Variants in SORCS3 observed in about 807,000 individuals in gnomAD.
SORCS3 encodes sortilin related VPS10 domain containing receptor 3, also known as VPS10 domain-containing receptor SorCS3.
In SORCS3, 57 loss-of-function variants were observed where a neutral mutation model predicts 146.3. The observed-to-expected ratio is 0.39, with a 90% confidence interval of 0.31 to 0.49. SORCS3 has a LOEUF of 0.49. SORCS3 is among the 20% of genes least tolerant of loss of function. The probability of loss-of-function intolerance (pLI) is 0.92; values close to 1 mark genes in which losing one functional copy is unlikely to be tolerated. For synonymous variants in SORCS3, 653 were observed against 618.5 expected (o/e 1.06, Z -0.83); for missense variants, 1,341 against 1,575.5 (o/e 0.85, Z 2.52).
At chr10:104,929,423 T>C (rs375001792) in intron 3 of SORCS3, among the ~76,000 whole-genome samples, 1 of 152,160 alleles carries the variant, frequency 6.6e-6, no homozygotes, top group South Asian at 2.1e-4. Flanking sequence ...TCAGCAAATA[T>C]ATAGAAAAAG....
chr10:104,713,914 T>G (rs1330417381), intron 1 of SORCS3, among the ~76,000 whole-genome samples: 1 of 152,208 alleles, frequency 6.6e-6, no homozygotes, highest in African/African-American at 2.4e-5. Flanking sequence ...AGGTTTATTA[T>G]TGACTCAATT....
At chr10:104,782,964 T>C (rs1329119376) in intron 1 of SORCS3, among the ~76,000 whole-genome samples, 2 of 152,238 alleles carry the variant, frequency 1.3e-5, no homozygotes, top group Admixed American at 6.5e-5. Context: ...CAATGATTTT[T>C]GTAGCTAAAC....
At chr10:105,052,096 C>T (rs1427710245) in intron 5 of SORCS3, among the ~76,000 whole-genome samples, 4 of 152,058 alleles carry the variant, frequency 2.6e-5, no homozygotes, top group Non-Finnish European at 5.9e-5. Flanking sequence ...CAAGACATGC[C>T]GGACCCTTGA....
chr10:104,717,821 CTGAG>C (rs2016497396), intron 1 of SORCS3, among the ~76,000 whole-genome samples: 1 of 152,072 alleles, frequency 6.6e-6, no homozygotes, highest in East Asian at 1.9e-4. Context: ...ATACCACAGA[CTGAG>C]TAATTTATAA....
At chr10:104,997,781 A>C (rs1019327012) in intron 4 of SORCS3, among the ~76,000 whole-genome samples, 1 of 152,170 alleles carries the variant, frequency 6.6e-6, no homozygotes, top group African/African-American at 2.4e-5. Context: ...TTTTTCATTC[A>C]GCAAATCTTT....
chr10:104,713,201 GC>G (rs2016439026), intron 1 of SORCS3, among the ~76,000 whole-genome samples: 1 of 151,920 alleles, frequency 6.6e-6, no homozygotes, highest in African/African-American at 2.4e-5. Context: ...TGACAAGAAA[GC>G]TTTTACTCCA....
intron 16 of SORCS3, among the ~76,000 whole-genome samples, chr10:105,209,189 T>G (rs546451103): frequency 1.3e-5 from 2 of 152,152 alleles, no homozygotes; most frequent in Non-Finnish European, 2.9e-5. Flanking sequence ...TTGCCCAGGC[T>G]GGAGTGCAGT....
intron 3 of SORCS3, among the ~76,000 whole-genome samples, chr10:104,964,371 AC>A (rs1589568995): frequency 6.6e-6 from 1 of 152,158 alleles, no homozygotes; most frequent in Non-Finnish European, 1.5e-5. Context: ...ATTTAAAACT[AC>A]ACAGCTTCTC....
At chr10:104,687,059 A>C (rs576972390) in intron 1 of SORCS3, among the ~76,000 whole-genome samples, 1 of 152,212 alleles carries the variant, frequency 6.6e-6, no homozygotes, top group East Asian at 1.9e-4. Flanking sequence ...CCATCCATGT[A>C]TGCATCCATC....
intron 1 of SORCS3, among the ~76,000 whole-genome samples, chr10:104,775,777 T>C (rs2017301541): frequency 6.6e-6 from 1 of 152,140 alleles, no homozygotes; most frequent in Admixed American, 6.5e-5. Flanking sequence ...GGGGGTGGGA[T>C]TCTAAAGCTT....
At chr10:104,723,353 A>G (rs1407312907) in intron 1 of SORCS3, among the ~76,000 whole-genome samples, 3 of 152,192 alleles carry the variant, frequency 2.0e-5, no homozygotes, top group Non-Finnish European at 2.9e-5. Context: ...ACAGTTTGTT[A>G]TAATTTCTGT....
In SORCS3 at chr10:105,122,140, A is replaced by G. The variant is rs151166306; in HGVS notation, c.1212+16625A>G. 3.3e-3 allele frequency among the ~76,000 whole-genome samples: 505 copies of G among 152,294 alleles called. 3 individuals carry two copies. The highest frequency in any genetic ancestry group is 5.9e-3 in the Non-Finnish European group (398 of 68,020). On this transcript the variant is annotated intron_variant, in intron 7 of 26. Transcript: ENST00000369701. ...CTGCTGTAAAAACAGCAGTGCTGAT[A>G]ATGAGGGAAGTTGGGCTGTTGACTG...
intron 4 of SORCS3, among the ~76,000 whole-genome samples, chr10:105,006,580 T>C (rs896344121): frequency 6.6e-6 from 1 of 152,216 alleles, no homozygotes; most frequent in African/African-American, 2.4e-5. Flanking sequence ...ACTTTAGGTC[T>C]TCCATGGCTC....
chr10:105,242,888 A>AAT (rs1262104391), intron 20 of SORCS3, among the ~76,000 whole-genome samples: 4 of 105,486 alleles, frequency 3.8e-5, no homozygotes, highest in Non-Finnish European at 6.8e-5. Flanking sequence ...AATTATATAT[A>AAT]ATATATGATA....
chr10:104,833,415 A>C (rs1302959139), intron 1 of SORCS3, among the ~76,000 whole-genome samples: 4 of 152,126 alleles, frequency 2.6e-5, no homozygotes, highest in African/African-American at 7.2e-5. Flanking sequence ...TGGTGAGCCT[A>C]GGGGAAGCCT....
At chr10:105,126,521 G>C (rs2055975112) in intron 7 of SORCS3, among the ~76,000 whole-genome samples, 1 of 152,188 alleles carries the variant, frequency 6.6e-6, no homozygotes. Context: ...TCTTAAGGCA[G>C]TGGGAGTATA....
chr10:105,037,772 A>G (rs2055315710), intron 4 of SORCS3, among the ~76,000 whole-genome samples: 1 of 152,186 alleles, frequency 6.6e-6, no homozygotes, highest in African/African-American at 2.4e-5. Flanking sequence ...CTGGGACTTT[A>G]ATATATCTTT....
intron 2 of SORCS3, among the ~76,000 whole-genome samples, chr10:104,892,844 T>C (rs945474573): frequency 6.6e-6 from 1 of 152,178 alleles, no homozygotes; most frequent in Non-Finnish European, 1.5e-5. Flanking sequence ...ACATAGTGTG[T>C]TCTCATTGCG....
chr10:104,851,419 T>G (rs534674896), intron 2 of SORCS3, among the ~76,000 whole-genome samples: 66 of 152,320 alleles, frequency 4.3e-4, no homozygotes, highest in African/African-American at 1.5e-3. Flanking sequence ...GCCATTTGGA[T>G]AAAAGGTGTG....
Sources: allele counts gnomAD v4.1 joint callset (sites outside exome capture counted in the v4.1 genomes callset), GRCh38; gene constraint gnomAD v4.1.1; transcripts MANE v1.5; gene names NCBI Gene and HGNC (gene_info 2026-07-23, HGNC 2026-07-21).